ANO6: variants seen among roughly 807,000 people sequenced by gnomAD.
The protein encoded by ANO6 is anoctamin 6.
Under a neutral mutation model 117.5 loss-of-function variants are expected in ANO6, and 106 were observed. The ratio of observed to expected loss-of-function variants is 0.90; its 90% CI spans 0.77 to 1.06. The LOEUF (loss-of-function observed/expected upper bound fraction) is 1.06. Ranked by LOEUF, ANO6 falls within the 50% of genes least tolerant of loss-of-function variation. The pLI is 0.00. For missense variants in ANO6, 955 were observed against 1,121.1 expected, an observed-to-expected ratio of 0.85 and a Z score of 2.12; for synonymous variants, 367 against 385.1, an observed-to-expected ratio of 0.95 and a Z score of 0.55.
chr12:45,286,570 T>TA (rs1938922710), intron 1 of ANO6, among the ~76,000 whole-genome samples: 1 of 152,354 alleles, frequency 6.6e-6, no homozygotes, highest in Non-Finnish European at 1.5e-5. Context: ...TGGTTTTCCT[T>TA]ATCTTCAGTG....
intron 2 of ANO6, among the ~76,000 whole-genome samples, chr12:45,308,099 G>T (rs1423604140): frequency 1.2e-4 from 15 of 122,358 alleles, no homozygotes; most frequent in African/African-American, 4.6e-4. Context: ...GAGAAAAGGG[G>T]TAGTACCCGG....
At chr12:45,395,268 A>T (rs1942578409) in intron 12 of ANO6, among the ~76,000 whole-genome samples, 1 of 152,206 alleles carries the variant, frequency 6.6e-6, no homozygotes, top group African/African-American at 2.4e-5. Flanking sequence ...CTGGACACAT[A>T]CACCCTCCCA....
chr12:45,305,773 A>C (rs542561640), intron 2 of ANO6, among the ~76,000 whole-genome samples: 87 of 152,256 alleles, frequency 5.7e-4, no homozygotes, highest in African/African-American at 1.8e-3. Context: ...GTTGTTCTGC[A>C]TGTGGTTGCA....
chr12:45,376,673 A>C (rs140384370), intron 9 of ANO6, among the ~76,000 whole-genome samples: 1,416 of 137,870 alleles, frequency 0.01, 16 homozygotes, highest in African/African-American at 0.036. Flanking sequence ...GGACACAGGA[A>C]GGGGAACATC....
In ANO6 at chr12:45,244,370, C is replaced by G. The variant is rs562924744; in HGVS notation, c.70+27979C>G. On this transcript the variant is annotated intron_variant, in intron 1 of 19. Transcript: ENST00000320560. ...TCCCATTACCGTTTTTCTTACTGCCCAAGCAGCGGTTACTACATAGGGCTT... is the reference window on the plus strand; with the variant it reads ...TCCCATTACCGTTTTTCTTACTGCCGAAGCAGCGGTTACTACATAGGGCTT... Among the ~76,000 whole-genome samples, 11 of 141,184 alleles carry G rather than the reference C, an allele frequency of 7.8e-5. No homozygotes were observed. In the South Asian group the frequency reaches 1.1e-3, roughly 14 times the overall value. 92.6% of individuals were successfully genotyped at this position (141,184 alleles called of 152,430 possible). A position where few individuals can be genotyped will look rare whatever the true frequency, so the allele number is the denominator to read the frequency against.
At chr12:45,263,671 G>C (rs902845581) in intron 1 of ANO6, among the ~76,000 whole-genome samples, 4 of 152,132 alleles carry the variant, frequency 2.6e-5, no homozygotes, top group African/African-American at 7.2e-5. Context: ...CATGAAGAAT[G>C]GGGGCTGAGA....
intron 15 of ANO6, among the ~76,000 whole-genome samples, chr12:45,407,602 G>A (rs1294908138): frequency 6.6e-6 from 1 of 150,536 alleles, no homozygotes; most frequent in Non-Finnish European, 1.5e-5. Flanking sequence ...ATGCTTGTAT[G>A]TGCTGAAGTG....
At chr12:45,340,484 C>T (rs1940950239) in intron 3 of ANO6, among the ~76,000 whole-genome samples, 2 of 152,158 alleles carry the variant, frequency 1.3e-5, no homozygotes, top group Admixed American at 1.3e-4. Context: ...ACATTTACAA[C>T]ACAGGTTAAT....
chr12:45,221,500 A>G (rs753651044), intron 1 of ANO6, among the ~76,000 whole-genome samples: 1 of 152,150 alleles, frequency 6.6e-6, no homozygotes, highest in Non-Finnish European at 1.5e-5. Flanking sequence ...CATACACTTT[A>G]AGGATTTTGG....
intron 1 of ANO6, among the ~76,000 whole-genome samples, chr12:45,271,421 G>T (rs1399557197): frequency 1.3e-5 from 2 of 152,052 alleles, no homozygotes; most frequent in African/African-American, 4.8e-5. Flanking sequence ...AAAAGTAAAA[G>T]TAATTGTCAT....
In ANO6 at chr12:45,397,064, A is replaced by G. The variant is rs370346993; in HGVS notation, c.1387-4731A>G. ...CCATCAGAGTGAATAGGCAACCTAC[A>G]GAATGGGAGAAAATTTTTGCAATCT... On this transcript the variant is annotated intron_variant, in intron 12 of 19. Coordinates refer to ENST00000320560, the MANE Select transcript of ANO6 (RefSeq NM_001025356.3). Among the ~76,000 whole-genome samples, 199 of 152,338 alleles carry G rather than the reference A, an allele frequency of 1.3e-3. 2 individuals carry two copies. The highest frequency in any genetic ancestry group is 8.1e-3 in the South Asian group (39 of 4,830).
At chr12:45,368,003 CAT>C (rs1303472030) in intron 9 of ANO6, among the ~76,000 whole-genome samples, 2 of 152,126 alleles carry the variant, frequency 1.3e-5, no homozygotes, top group African/African-American at 2.4e-5. Context: ...GATAAAATCT[CAT>C]AGAGTGTCAG....
At chr12:45,326,968 G>A (rs1223361919) in intron 2 of ANO6, among the ~76,000 whole-genome samples, 1 of 152,164 alleles carries the variant, frequency 6.6e-6, no homozygotes, top group African/African-American at 2.4e-5. Context: ...CCACTTAGCA[G>A]TCTTCTCTTA....
chr12:45,225,085 G>T (rs1464872987), intron 1 of ANO6, among the ~76,000 whole-genome samples: 2 of 151,870 alleles, frequency 1.3e-5, no homozygotes, highest in Non-Finnish European at 2.9e-5. Context: ...CTGCTTTGGA[G>T]GCTGAGGTGG....
At chr12:45,313,560 C>T (rs893665110) in intron 2 of ANO6, 2 of 152,134 alleles carry the variant, frequency 1.3e-5, no homozygotes, top group East Asian at 1.9e-4. Flanking sequence ...ATTACTCAGC[C>T]CTGCCATACC....
intron 8 of ANO6, among the ~76,000 whole-genome samples, chr12:45,361,567 A>G (rs192234995): frequency 6.6e-6 from 1 of 152,264 alleles, no homozygotes; most frequent in South Asian, 2.1e-4. Context: ...AACCTCCAAT[A>G]TAATGATCTT....
rs1565685495 is a variant in ANO6, at chr12:45,318,090, G to A, written c.151-13205G>A. ...CTGTAGGTTGCTTGTTCACTCTGAT[G>A]GTAATTTCTTTTGCTGTGCAGAAGC... On this transcript the variant is annotated intron_variant, in intron 2 of 19. Transcript: ENST00000320560. Among the ~76,000 whole-genome samples the A allele has an allele frequency of 2.0e-5, 3 of 152,270 alleles. No individual in the cohort carries two copies. The East Asian group carries it at 5.8e-4, about 29-fold the overall frequency.
intron 2 of ANO6, among the ~76,000 whole-genome samples, chr12:45,319,070 A>G (rs192141657): frequency 5.1e-4 from 77 of 152,286 alleles, no homozygotes; most frequent in Admixed American, 9.2e-4. Flanking sequence ...AACAGGGACA[A>G]TTTGACTTCC....
At chr12:45,228,653 C>T (rs1157524547) in intron 1 of ANO6, among the ~76,000 whole-genome samples, 1 of 151,976 alleles carries the variant, frequency 6.6e-6, no homozygotes, top group Non-Finnish European at 1.5e-5. Flanking sequence ...CATGGAAATA[C>T]GGAGGAATCT....
Sources: allele counts gnomAD v4.1 joint callset (sites outside exome capture counted in the v4.1 genomes callset), GRCh38; gene constraint gnomAD v4.1.1; transcripts MANE v1.5; gene names NCBI Gene and HGNC (gene_info 2026-07-23, HGNC 2026-07-21).